PDZD9: variants seen among roughly 807,000 people sequenced by gnomAD.
PDZD9 encodes the protein PDZ domain containing 9.
PDZD9 carries 13 observed loss-of-function variants against 16.3 expected under a neutral mutation model. That is an observed-to-expected ratio of 0.80 (90% CI 0.52 to 1.27). PDZD9 has a LOEUF of 1.27. Among genes scored for constraint, PDZD9 ranks in the 50% most tolerant of loss-of-function variants. The pLI is 0.00. For missense variants in PDZD9, 288 were observed against 310.9 expected (o/e 0.93, Z 0.55); for synonymous variants, 120 against 111.0 (o/e 1.08, Z -0.51).
chr16:21,983,065 G>C, downstream of PDZD9: 1 of 1,602,482 alleles, frequency 6.2e-7, no homozygotes, highest in East Asian at 2.2e-5. Context: ...TGTTAATTTT[G>C]TCTTTTGTTT....
the PDZD9 span, chr16:21,968,684 T>C: frequency 1.2e-6 from 2 of 1,609,010 alleles, no homozygotes; most frequent in Admixed American, 1.7e-5. Flanking sequence ...TGATTGGACT[T>C]GGTAAGTTTA....
the PDZD9 span, chr16:21,971,656 A>G: frequency 5.6e-6 from 9 of 1,597,492 alleles, no homozygotes; most frequent in Non-Finnish European, 7.7e-6. Context: ...AATTTATCAG[A>G]AGGGCGTTTC....
downstream of PDZD9, chr16:21,980,791 G>A (rs1898705522): frequency 2.0e-6 from 3 of 1,467,168 alleles, no homozygotes; most frequent in South Asian, 1.3e-5. Context: ...CTTGGGCAGT[G>A]TATTATTCTT....
chr16:21,957,595 G>A, the PDZD9 span: 3 of 1,608,910 alleles, frequency 1.9e-6, no homozygotes, highest in Non-Finnish European at 2.5e-6. Context: ...TCAAGTGTTT[G>A]GAAATGCTGT....
the PDZD9 span, chr16:21,965,380 C>T: frequency 6.3e-7 from 1 of 1,599,896 alleles, no homozygotes; most frequent in Admixed American, 1.7e-5. Flanking sequence ...AGTGCATTTC[C>T]CTAAATGCTT....
chr16:21,958,702 C>T, the PDZD9 span: 9 of 975,608 alleles, frequency 9.2e-6, no homozygotes, highest in Non-Finnish European at 1.2e-5. Context: ...TCTTAAGCAA[C>T]ATAAGAAGGA....
chr16:21,975,844 A>T, the PDZD9 span, among the ~76,000 whole-genome samples: 1 of 152,128 alleles, frequency 6.6e-6, no homozygotes, highest in Admixed American at 6.5e-5. Flanking sequence ...TAATCCCAAC[A>T]CTTTGGGAGG....
chr16:21,999,229 A>T (rs538937527), intron 1 of PDZD9: 1 of 203,292 alleles, frequency 4.9e-6, no homozygotes, highest in African/African-American at 2.3e-5. Context: ...AAACCTGAGG[A>T]AAGTGCTCGC....
chr16:21,967,956 G>A, the PDZD9 span, among the ~76,000 whole-genome samples: 6 of 148,732 alleles, frequency 4.0e-5, no homozygotes, highest in Admixed American at 2.0e-4. Context: ...CATAGTCCAC[G>A]TTTTCAAGTT....
At chr16:21,976,372 A>G in the PDZD9 span, 1 of 771,384 alleles carries the variant, frequency 1.3e-6, no homozygotes, top group Non-Finnish European at 2.1e-6. Flanking sequence ...AAAGGGAAAC[A>G]TACCCATATC....
chr16:21,971,465 T>C, the PDZD9 span: 1 of 1,368,866 alleles, frequency 7.3e-7, no homozygotes, highest in Non-Finnish European at 1.0e-6. Flanking sequence ...GGAAAAAATA[T>C]TTTACGATTG....
chr16:21,990,765 A>G (rs1173839533), intron 2 of PDZD9, among the ~76,000 whole-genome samples: 1 of 152,240 alleles, frequency 6.6e-6, no homozygotes, highest in Non-Finnish European at 1.5e-5. Flanking sequence ...TTATGTTGTA[A>G]AAGTGTGACT....
downstream of PDZD9, chr16:21,982,992 T>A: frequency 3.0e-5 from 27 of 913,748 alleles, no homozygotes; most frequent in Middle Eastern, 2.5e-4. Context: ...AAGAATGTCC[T>A]ATCCATAAAT....
chr16:21,960,535 A>G, the PDZD9 span, among the ~76,000 whole-genome samples: 3 of 152,184 alleles, frequency 2.0e-5, no homozygotes, highest in African/African-American at 7.2e-5. Flanking sequence ...GAGTAGCACT[A>G]TTAGTTTTCT....
downstream of PDZD9, chr16:21,983,487 A>G: frequency 2.8e-6 from 1 of 360,010 alleles, no homozygotes; most frequent in Non-Finnish European, 4.9e-6. Flanking sequence ...AATTAAGGCT[A>G]AGTGGCTATC....
rs751085459 is a variant in PDZD9 at position 21,984,498 on chromosome 16, T to A, written c.564A>T (p.Gly188=). The A allele has an allele frequency of 7.5e-6, 12 of 1,609,492 alleles. No homozygotes were observed. Among genetic ancestry groups the A allele is most frequent in the Middle Eastern group, 3.3e-4 (2 of 6,046 alleles). ...TAATAGTATGGTTCTTCTTCTTATA[T>A]CCATGCCAGTCTCTGGAGATGGATA... ...RPISISRDWH[G]YKKKNHTISV... The change falls in exon 4 of 4, where the codon GGA becomes GGT. Residue 188 remains glycine, a synonymous_variant. Transcript: ENST00000424898.
intron 2 of PDZD9, among the ~76,000 whole-genome samples, chr16:21,992,494 C>A (rs1205425385): frequency 2.6e-5 from 4 of 152,092 alleles, no homozygotes; most frequent in African/African-American, 4.8e-5. Context: ...GCAGACCCAA[C>A]CCTCAATCTG....
rs746173459 is a variant in PDZD9, at chr16:21,988,808, T to C, written c.212-17A>G. The C allele has an allele frequency of 1.9e-6, 3 of 1,577,356 alleles. No individual in the cohort carries two copies. The highest frequency in any genetic ancestry group is 2.2e-5 in the East Asian group (1 of 44,474). On this transcript the variant is annotated splice_polypyrimidine_tract_variant and intron_variant, in intron 2 of 3. Coordinates refer to ENST00000424898, the MANE Select transcript of PDZD9 (RefSeq NM_001363519.1). Reference sequence around the variant, plus strand: ...GAACATCACCTGAAGAGGGAAAAAATTATGTATCAGTAAAACTAGAGGTTT... The same window carrying C: ...GAACATCACCTGAAGAGGGAAAAAACTATGTATCAGTAAAACTAGAGGTTT...
At chr16:21,960,330 C>G in the PDZD9 span, among the ~76,000 whole-genome samples, 1 of 152,356 alleles carries the variant, frequency 6.6e-6, no homozygotes, top group East Asian at 1.9e-4. Flanking sequence ...AGCTCATGAA[C>G]TAACCACGGC....
Sources: gnomAD v4.1 joint callset for allele counts (sites outside exome capture counted in the v4.1 genomes callset) on GRCh38, gnomAD v4.1.1 for gene constraint, MANE v1.5 for transcripts, NCBI Gene and HGNC (gene_info 2026-07-23, HGNC 2026-07-21) for gene names.